TCF4: variants seen among roughly 807,000 people sequenced by gnomAD.
The protein encoded by TCF4 is transcription factor 4, also known as SL3-3 enhancer factor 2.
In TCF4, 3 loss-of-function variants were observed where a neutral mutation model predicts 82.1. That is an observed-to-expected ratio of 0.04 (90% CI 0.02 to 0.09). The LOEUF is 0.09. TCF4 is among the 10% of genes least tolerant of loss of function. TCF4 has a pLI of 1.00. For synonymous variants in TCF4, 276 were observed against 309.6 expected (o/e 0.89, Z 1.14); for missense variants, 518 against 852.7 (o/e 0.61, Z 4.89).
chr18:55,316,893 T>C (rs1211130678), intron 8 of TCF4, among the ~76,000 whole-genome samples: 25 of 152,044 alleles, frequency 1.6e-4, no homozygotes, highest in Non-Finnish European at 2.8e-4. Flanking sequence ...TGCTTAGACC[T>C]AGCAGAAATT....
chr18:55,403,433 G>C (rs377330400), intron 6 of TCF4, 21 bp downstream of exon 6: 1 of 1,612,994 alleles, frequency 6.2e-7, no homozygotes, highest in South Asian at 1.1e-5. Context: ...CAACCCTTCC[G>C]CAACAGAGAT....
chr18:55,498,455 T>C (rs151252523), intron 3 of TCF4, among the ~76,000 whole-genome samples: 205 of 152,312 alleles, frequency 1.3e-3, no homozygotes, highest in African/African-American at 4.2e-3. Flanking sequence ...AGCTGTCTTC[T>C]CTAAGGCAAG....
intron 5 of TCF4, among the ~76,000 whole-genome samples, chr18:55,434,461 CG>C (rs1396030914): frequency 1.5e-5 from 2 of 136,274 alleles, no homozygotes; most frequent in Non-Finnish European, 3.1e-5. Context: ...GCTGTGTTGC[CG>C]AGGCTAGAGT....
chr18:55,424,255 T>A (rs375291352), intron 5 of TCF4, among the ~76,000 whole-genome samples: 1 of 152,210 alleles, frequency 6.6e-6, no homozygotes, highest in Non-Finnish European at 1.5e-5. Context: ...TTAGTTAACA[T>A]GAGACTCTAG....
chr18:55,588,800 C>T (rs1208821422), upstream of TCF4, among the ~76,000 whole-genome samples: 1 of 151,714 alleles, frequency 6.6e-6, no homozygotes, highest in African/African-American at 2.4e-5. Context: ...CTTTCTTTCC[C>T]CTCCCTTTTA....
intron 5 of TCF4, among the ~76,000 whole-genome samples, chr18:55,418,276 G>T (rs11873788): frequency 0.085 from 12,852 of 151,796 alleles, 1,230 homozygotes; most frequent in African/African-American, 0.23. Flanking sequence ...ATAACATTGC[G>T]TCAATGAGCC....
intron 2 of TCF4, among the ~76,000 whole-genome samples, chr18:55,608,975 A>C (rs1455941991): frequency 1.3e-5 from 2 of 152,140 alleles, no homozygotes; most frequent in Non-Finnish European, 2.9e-5. Context: ...AAGGTAGAGC[A>C]CTCAGGAATG....
intron 2 of TCF4, among the ~76,000 whole-genome samples, chr18:55,605,911 G>A (rs1021282571): frequency 8.5e-5 from 13 of 152,332 alleles, no homozygotes; most frequent in African/African-American, 3.1e-4. Flanking sequence ...CCAAAAAGTG[G>A]TTCTCAGACC....
chr18:55,328,622 C>G (rs78196382), intron 8 of TCF4, among the ~76,000 whole-genome samples: 9,640 of 152,062 alleles, frequency 0.063, 456 homozygotes, highest in South Asian at 0.17. Context: ...GTTTTTTTCC[C>G]TCAAAATGGT....
intron 3 of TCF4, among the ~76,000 whole-genome samples, chr18:55,497,436 T>C (rs540376803): frequency 6.6e-6 from 1 of 152,190 alleles, no homozygotes; most frequent in East Asian, 1.9e-4. Flanking sequence ...AGAGAAGAAA[T>C]TAAAAGAAGA....
upstream of TCF4, among the ~76,000 whole-genome samples, chr18:55,590,165 C>A (rs986444722): frequency 3.9e-5 from 6 of 152,230 alleles, no homozygotes; most frequent in African/African-American, 1.4e-4. Flanking sequence ...GAGATACCCC[C>A]AGGTCTCCCT....
chr18:55,596,284 G>T, intron 2 of TCF4: 1 of 298,560 alleles, frequency 3.3e-6, no homozygotes, highest in Non-Finnish European at 6.7e-6. Context: ...TTAAAGCTAT[G>T]GCACATGTCA....
chr18:55,418,307 G>A (rs1276199787), intron 5 of TCF4, among the ~76,000 whole-genome samples: 1 of 151,938 alleles, frequency 6.6e-6, no homozygotes, highest in Non-Finnish European at 1.5e-5. Context: ...TTATAAGAAT[G>A]AGTCATTTTG....
At chr18:55,395,580 T>C (rs1458549013) in intron 6 of TCF4, among the ~76,000 whole-genome samples, 2 of 152,352 alleles carry the variant, frequency 1.3e-5, no homozygotes, top group South Asian at 2.1e-4. Flanking sequence ...TCATATATTT[T>C]ACTTGAGGGC....
intron 3 of TCF4, among the ~76,000 whole-genome samples, chr18:55,474,745 ATTTTT>A (rs1400330421): frequency 6.7e-6 from 1 of 150,164 alleles, no homozygotes; most frequent in South Asian, 2.1e-4. Context: ...TTACATTTTT[ATTTTT>A]TTTAAGTTTT....
rs1485798359 is a variant in TCF4, at chr18:55,256,436, A to C, written c.1146+879T>G. Among the ~76,000 whole-genome samples, 6 of 152,312 alleles carry C rather than the reference A, an allele frequency of 3.9e-5. No individual in the cohort carries two copies. The East Asian group carries it at 1.2e-3, about 29-fold the overall frequency. ...CACTGTCTGGTTTCCTTTACTGGTTAAAATGCATAGCTGAATGATTCATAC... is the reference window on the plus strand; with the variant it reads ...CACTGTCTGGTTTCCTTTACTGGTTCAAATGCATAGCTGAATGATTCATAC... On this transcript the variant is annotated intron_variant, in intron 14 of 19. Transcript: ENST00000354452.
intron 2 of TCF4, chr18:55,585,584 A>C (rs2097635165): frequency 1.6e-6 from 1 of 616,364 alleles, no homozygotes; most frequent in Non-Finnish European, 2.7e-6. Flanking sequence ...TAGATGGCCA[A>C]GCAGTACTAC....
intron 3 of TCF4, among the ~76,000 whole-genome samples, chr18:55,560,865 A>T (rs2097349461): frequency 6.6e-6 from 1 of 152,146 alleles, no homozygotes; most frequent in Non-Finnish European, 1.5e-5. Flanking sequence ...CTACATCCTT[A>T]TTCCTAAAAC....
intron 5 of TCF4, among the ~76,000 whole-genome samples, chr18:55,457,657 T>C (rs1334566455): frequency 6.6e-6 from 1 of 152,192 alleles, no homozygotes; most frequent in Non-Finnish European, 1.5e-5. Context: ...GGCTAAGTTT[T>C]TGTATTTTTG....
Sources: allele counts gnomAD v4.1 joint callset (sites outside exome capture counted in the v4.1 genomes callset), GRCh38; gene constraint gnomAD v4.1.1; transcripts MANE v1.5; gene names NCBI Gene and HGNC (gene_info 2026-07-23, HGNC 2026-07-21).